Variants in MAP2 observed in about 807,000 individuals in gnomAD.
The protein encoded by MAP2 is microtubule-associated protein 2.
A neutral mutation model predicts 137.6 loss-of-function variants in MAP2; 14 were observed. The observed-to-expected ratio is 0.10, with a 90% confidence interval of 0.07 to 0.16. MAP2 has a LOEUF of 0.16. Ranked by LOEUF, MAP2 falls within the 10% of genes least tolerant of loss-of-function variation. MAP2 has a pLI of 1.00. For synonymous variants in MAP2, 786 were observed against 782.3 expected, an observed-to-expected ratio of 1.00 and a Z score of -0.08; for missense variants, 2,088 against 2,191.5, an observed-to-expected ratio of 0.95 and a Z score of 0.94.
chr2:209,460,914 A>G (rs1380830615), intron 1 of MAP2, among the ~76,000 whole-genome samples: 3 of 151,778 alleles, frequency 2.0e-5, no homozygotes, highest in South Asian at 4.2e-4. Context: ...ACACCCAGCT[A>G]ATTTTTGTAT....
In MAP2 at chr2:209,709,950, C is replaced by T; in HGVS notation, c.4769C>T (p.Thr1590Ile). The T allele has an allele frequency of 2.5e-6, 4 of 1,613,786 alleles. No homozygotes were observed. Among genetic ancestry groups the T allele is most frequent in the Non-Finnish European group, 3.4e-6 (4 of 1,179,904 alleles). The change falls in exon 13 of 16, where the codon ACC becomes ATC. Residue 1590 changes from threonine (T) to isoleucine (I), a missense_variant. This residue lies in a region of MAP2 where 591 missense variants were observed against 642.6 expected (regional missense o/e 0.92). Transcript: ENST00000682079. ...EPIRRAGKSGTSTPTTPGSTA... is the reference protein window; with the variant it reads ...EPIRRAGKSGISTPTTPGSTA... The stretch of plus-strand genomic sequence containing the variant: ...ATTCGCAGAGCAGGGAAGAGTGGTA[C>T]CTCAACACCCACTACCCCTGGGTCT...
intron 1 of MAP2, among the ~76,000 whole-genome samples, chr2:209,440,743 A>G (rs1426464038): frequency 1.3e-5 from 2 of 151,482 alleles, no homozygotes; most frequent in Admixed American, 1.3e-4. Context: ...AAACAAATCT[A>G]TCCACAGTGA....
intron 3 of MAP2, among the ~76,000 whole-genome samples, chr2:209,621,273 T>G (rs986103546): frequency 3.3e-5 from 5 of 149,882 alleles, no homozygotes; most frequent in Admixed American, 2.0e-4. Context: ...TTTTTTTTTT[T>G]TTTGAGAGAG....
intron 10 of MAP2, among the ~76,000 whole-genome samples, chr2:209,699,109 A>G (rs1431587778): frequency 6.6e-6 from 1 of 152,178 alleles, no homozygotes; most frequent in African/African-American, 2.4e-5. Context: ...TGTAGGTGTC[A>G]TTGGTTTGAA....
At chr2:209,709,137 A>G (rs762412128) in intron 12 of MAP2, among the ~76,000 whole-genome samples, 1 of 152,174 alleles carries the variant, frequency 6.6e-6, no homozygotes, top group Non-Finnish European at 1.5e-5. Flanking sequence ...ATCCTGTATA[A>G]TTAATGTGGT....
At chr2:209,637,021 A>C (rs982680826) in intron 4 of MAP2, among the ~76,000 whole-genome samples, 2 of 152,198 alleles carry the variant, frequency 1.3e-5, no homozygotes, top group African/African-American at 4.8e-5. Context: ...GAAATTATAC[A>C]TTAAAAGTCT....
chr2:209,534,861 A>G (rs1053430361), intron 2 of MAP2, among the ~76,000 whole-genome samples: 2 of 152,214 alleles, frequency 1.3e-5, no homozygotes, highest in East Asian at 1.9e-4. Flanking sequence ...CCTGCCTGCC[A>G]TCATCCCAAA....
At chr2:209,523,008 G>A (rs288055) in intron 2 of MAP2, among the ~76,000 whole-genome samples, 73,170 of 152,008 alleles carry the variant, frequency 0.48, 19,740 homozygotes, top group African/African-American at 0.74. Flanking sequence ...CCTGGTAAGG[G>A]ACAAATTAAA....
intron 2 of MAP2, among the ~76,000 whole-genome samples, chr2:209,525,828 G>T (rs77136716): frequency 0.026 from 4,014 of 152,134 alleles, 61 homozygotes; most frequent in Non-Finnish European, 0.033. Context: ...CATTTCTTTA[G>T]AATTTCTCTT....
intron 4 of MAP2, among the ~76,000 whole-genome samples, chr2:209,637,164 C>G (rs1053790493): frequency 6.6e-6 from 1 of 152,144 alleles, no homozygotes; most frequent in African/African-American, 2.4e-5. Context: ...CAGTTCTGGC[C>G]GGGTGTGGTG....
chr2:209,664,440 C>T (rs748768631), intron 5 of MAP2, among the ~76,000 whole-genome samples: 1 of 152,088 alleles, frequency 6.6e-6, no homozygotes, highest in Non-Finnish European at 1.5e-5. Flanking sequence ...ATACCAGCTA[C>T]CTGGGAGGCT....
chr2:209,560,019 A>G (rs1290325799), intron 2 of MAP2, among the ~76,000 whole-genome samples: 1 of 152,232 alleles, frequency 6.6e-6, no homozygotes, highest in Non-Finnish European at 1.5e-5. Flanking sequence ...AATGCCAAAT[A>G]GGAGCACCAA....
chr2:209,522,406 G>C (rs374965902), intron 2 of MAP2, among the ~76,000 whole-genome samples: 107 of 152,286 alleles, frequency 7.0e-4, no homozygotes, highest in African/African-American at 2.4e-3. Flanking sequence ...TGGGATAAGA[G>C]AGACCTAAAT....
At chr2:209,586,166 T>C (rs1036891085) in intron 3 of MAP2, among the ~76,000 whole-genome samples, 1 of 152,094 alleles carries the variant, frequency 6.6e-6, no homozygotes, top group African/African-American at 2.4e-5. Flanking sequence ...AGATAAAATA[T>C]GAAAAGCAAG....
intron 11 of MAP2, among the ~76,000 whole-genome samples, chr2:209,701,396 A>G (rs2061714123): frequency 6.6e-6 from 1 of 151,858 alleles, no homozygotes; most frequent in South Asian, 2.1e-4. Context: ...TATTTTAATG[A>G]CCAAAGCCAA....
At chr2:209,561,121 T>C (rs766092098) in intron 2 of MAP2, among the ~76,000 whole-genome samples, 1 of 152,176 alleles carries the variant, frequency 6.6e-6, no homozygotes, top group Non-Finnish European at 1.5e-5. Context: ...ACTCAATGAT[T>C]TTACACGTCC....
Position 209,693,616 on chromosome 2 carries a change from A to T in MAP2, c.1446A>T (p.Ser482=). 1 of 1,613,956 alleles carries T rather than the reference A, an allele frequency of 6.2e-7. No homozygotes were observed. The highest frequency in any genetic ancestry group is 2.2e-5 in the East Asian group (1 of 44,860). Residue 482 remains serine, a synonymous_variant, in exon 8 of 16, where the codon TCA becomes TCT. Coordinates refer to ENST00000682079, the MANE Select transcript of MAP2 (RefSeq NM_001375505.1). ...AGACCTCCACAGAGCACACTTTCTC[A>T]GAACAGAAAGACCAAGAGCCTACCA... ...IIQTSTEHTF[S]EQKDQEPTTD...
intron 3 of MAP2, among the ~76,000 whole-genome samples, chr2:209,588,485 C>A (rs942814268): frequency 6.6e-6 from 1 of 152,110 alleles, no homozygotes; most frequent in Non-Finnish European, 1.5e-5. Context: ...AAAAGATACT[C>A]CATTTAATGC....
Position 209,444,505 on chromosome 2 carries a change from A to G in MAP2, c.-222+20229A>G, listed in dbSNP as rs1310421669. On this transcript the variant is annotated intron_variant, in intron 1 of 15. Coordinates refer to ENST00000682079, the MANE Select transcript of MAP2 (RefSeq NM_001375505.1). Reference sequence around the variant, plus strand: ...TAAGTCAGTATCATTTATGGGGAGGAAGCCTATTTGTCTAAAATTAGAACC... The same window carrying G: ...TAAGTCAGTATCATTTATGGGGAGGGAGCCTATTTGTCTAAAATTAGAACC... Among the ~76,000 whole-genome samples, 6 of 151,402 alleles carry G rather than the reference A, an allele frequency of 4.0e-5. No individual in the cohort carries two copies. In the Admixed American group the frequency reaches 4.0e-4, roughly 10 times the overall value.
Sources: gnomAD v4.1 joint callset for allele counts (sites outside exome capture counted in the v4.1 genomes callset) on GRCh38, gnomAD v4.1.1 for gene constraint, gnomAD v4.1.1 regional missense constraint, MANE v1.5 for transcripts, NCBI Gene and HGNC (gene_info 2026-07-23, HGNC 2026-07-21) for gene names.